Variants in DNAH5 observed in about 807,000 individuals in gnomAD.
DNAH5 encodes dynein axonemal heavy chain 5, also known as axonemal beta dynein heavy chain 5.
A neutral mutation model predicts 518.2 loss-of-function variants in DNAH5; 372 were observed. The observed-to-expected ratio is 0.72, with a 90% CI of 0.66 to 0.78. DNAH5 has a LOEUF of 0.78. DNAH5 is among the 30% of genes least tolerant of loss of function. The pLI, the probability that DNAH5 is intolerant of heterozygous loss-of-function variation, is 0.00. For missense variants in DNAH5, 5,523 were observed against 5,687.0 expected, an observed-to-expected ratio of 0.97 and a Z score of 0.93; for synonymous variants, 2,039 against 2,025.9, an observed-to-expected ratio of 1.01 and a Z score of -0.17.
chr5:13,732,774 T>C (rs1746790538), intron 68 of DNAH5, among the ~76,000 whole-genome samples: 1 of 152,052 alleles, frequency 6.6e-6, no homozygotes, highest in Admixed American at 6.6e-5. Context: ...GGGGTTTAGG[T>C]TTTCATCATA....
chr5:13,763,538 G>A (rs1752063012), intron 59 of DNAH5, among the ~76,000 whole-genome samples: 2 of 152,176 alleles, frequency 1.3e-5, no homozygotes, highest in African/African-American at 4.8e-5. Context: ...ATGCCTTTCT[G>A]CATCACAAAA....
At chr5:13,916,997 C>T in intron 8 of DNAH5, 146 bp downstream of exon 8, 1 of 690,840 alleles carries the variant, frequency 1.4e-6, no homozygotes. Flanking sequence ...CGTGTATATA[C>T]CTATATATAT....
At chr5:13,701,501 G>T in intron 76 of DNAH5, 65 bp from the exon 77 acceptor site, 4 of 1,353,150 alleles carry the variant, frequency 3.0e-6, no homozygotes, top group Non-Finnish European at 4.1e-6. Flanking sequence ...AACCAGCTAT[G>T]TTCACTGAAA....
chr5:13,903,926 G>C (rs1774979008), intron 12 of DNAH5, among the ~76,000 whole-genome samples: 1 of 151,988 alleles, frequency 6.6e-6, no homozygotes, highest in Non-Finnish European at 1.5e-5. Flanking sequence ...CAAGATGCAA[G>C]AATAAGCAAA....
At chr5:13,769,165 C>T in intron 57 of DNAH5, 29 bp from the exon 58 acceptor site, 1 of 1,607,892 alleles carries the variant, frequency 6.2e-7, no homozygotes, top group Non-Finnish European at 8.5e-7. Context: ...AGCAATACTT[C>T]ACCAAACAGT....
upstream of DNAH5, among the ~76,000 whole-genome samples, chr5:13,947,267 A>T (rs1465057298): frequency 6.6e-6 from 1 of 152,166 alleles, no homozygotes; most frequent in African/African-American, 2.4e-5. Flanking sequence ...AATTTTCTAA[A>T]CTCATCTCTA....
At chr5:13,813,438 A>C (rs894809635) in intron 43 of DNAH5, among the ~76,000 whole-genome samples, 3 of 146,984 alleles carry the variant, frequency 2.0e-5, no homozygotes, top group Non-Finnish European at 4.5e-5. Flanking sequence ...GTGAAAAAAA[A>C]ATGTTGTGGC....
At chr5:13,748,005 G>A (rs9764084) in intron 65 of DNAH5, among the ~76,000 whole-genome samples, 55,068 of 151,980 alleles carry the variant, frequency 0.36, 10,329 homozygotes, top group South Asian at 0.5. Flanking sequence ...GGTTTTTATA[G>A]TTTTAGGTCT....
At chr5:13,979,754 A>G (rs561308514) in intron 1 of DNAH5, among the ~76,000 whole-genome samples, 1 of 152,292 alleles carries the variant, frequency 6.6e-6, no homozygotes, top group East Asian at 1.9e-4. Flanking sequence ...GCATTTGGCA[A>G]ACTTGATCAA....
intron 77 of DNAH5, 107 bp from the exon 78 acceptor site, chr5:13,700,978 G>A (rs183528498): frequency 1.2e-5 from 14 of 1,168,352 alleles, no homozygotes; most frequent in Middle Eastern, 2.0e-4. Context: ...CTCGAAGGAC[G>A]TACAATAGTA....
intron 15 of DNAH5, among the ~76,000 whole-genome samples, chr5:13,895,405 G>A (rs994082158): frequency 6.6e-6 from 1 of 152,188 alleles, no homozygotes; most frequent in Non-Finnish European, 1.5e-5. Context: ...CTAAGGCCAA[G>A]TAATTTTTCT....
At chr5:13,753,156 T>C (rs1197143224) in intron 63 of DNAH5, 77 bp downstream of exon 63, 1 of 1,094,738 alleles carries the variant, frequency 9.1e-7, no homozygotes, top group Non-Finnish European at 1.4e-6. Context: ...TTCAAATATT[T>C]CTTTACTCTT....
intron 32 of DNAH5, among the ~76,000 whole-genome samples, chr5:13,842,433 A>AGAGAGAGAG (rs1561407131): frequency 3.2e-4 from 20 of 61,932 alleles, no homozygotes; most frequent in African/African-American, 1.0e-3. Flanking sequence ...AAAAGAAAGA[A>AGAGAGAGAG]AGAAAGAAAG....
intron 46 of DNAH5, among the ~76,000 whole-genome samples, chr5:13,808,155 G>A (rs1243631507): frequency 1.3e-5 from 2 of 148,312 alleles, no homozygotes; most frequent in East Asian, 2.0e-4. Flanking sequence ...GCTTGAACCC[G>A]AGAGGCAGAC....
rs114564308 is a variant in DNAH5, at chr5:13,716,104, C to T, written c.12909+383G>A. Among the ~76,000 whole-genome samples, 1,001 of 152,298 alleles carry T rather than the reference C, an allele frequency of 6.6e-3. 14 individuals are homozygous for T. Among genetic ancestry groups the T allele is most frequent in the African/African-American group, 0.022 (933 of 41,560 alleles). ...TTGTCAAATGGATTGGAAAACAGAA[C>T]AAATTGGGTCTAGAAGCTGCCTTTG... On this transcript the variant is annotated intron_variant, in intron 74 of 78. Coordinates refer to ENST00000265104, the MANE Select transcript of DNAH5 (RefSeq NM_001369.3).
intron 52 of DNAH5, among the ~76,000 whole-genome samples, chr5:13,783,540 G>A (rs571311744): frequency 4.6e-5 from 7 of 152,218 alleles, no homozygotes; most frequent in African/African-American, 1.4e-4. Flanking sequence ...TAAGCAGCCC[G>A]TTGTTCTGGA....
chr5:13,783,442 A>G (rs2126853270), intron 52 of DNAH5, among the ~76,000 whole-genome samples: 1 of 152,272 alleles, frequency 6.6e-6, no homozygotes, highest in Non-Finnish European at 1.5e-5. Flanking sequence ...ATAGGGAGAC[A>G]AACACACAGA....
At position 13,754,345 on chromosome 5, in the gene DNAH5, A is replaced by G. The variant is rs1750689346; in HGVS notation, c.10420-7T>C. The G allele has an allele frequency of 6.2e-7, 1 of 1,613,948 alleles. No individual in the cohort carries two copies. The highest frequency in any genetic ancestry group is 1.1e-5 in the South Asian group (1 of 91,088). On this transcript the variant is annotated splice_polypyrimidine_tract_variant and splice_region_variant and intron_variant, in intron 61 of 78. Coordinates refer to ENST00000265104, the MANE Select transcript of DNAH5 (RefSeq NM_001369.3). ...CTGCATCTTCAAGCAAGGTCTAACAAAGGTCATAATCACAAGAAAGCTTTT... is the reference window on the plus strand; with the variant it reads ...CTGCATCTTCAAGCAAGGTCTAACAGAGGTCATAATCACAAGAAAGCTTTT...
chr5:13,873,486 G>T (rs1770433046), intron 22 of DNAH5, among the ~76,000 whole-genome samples: 1 of 151,864 alleles, frequency 6.6e-6, no homozygotes. Context: ...ACGATTTTCA[G>T]GAACATGTTT....
Sources: allele counts gnomAD v4.1 joint callset (sites outside exome capture counted in the v4.1 genomes callset), GRCh38; gene constraint gnomAD v4.1.1; transcripts MANE v1.5; gene names NCBI Gene and HGNC (gene_info 2026-07-23, HGNC 2026-07-21).